The following ZDHHC15 variants were observed in gnomAD, a reference collection of about 807,000 sequenced individuals.
The protein encoded by ZDHHC15 is zDHHC palmitoyltransferase 15.
In ZDHHC15, 19 loss-of-function variants were observed where a neutral mutation model predicts 31.7. That is an observed-to-expected ratio of 0.60 (90% confidence interval 0.42 to 0.88). ZDHHC15 has a LOEUF of 0.88. ZDHHC15 is among the 40% of genes least tolerant of loss of function. The pLI, the probability that ZDHHC15 is intolerant of heterozygous loss-of-function variation, is 0.00. For missense variants in ZDHHC15, 209 were observed against 251.2 expected, an observed-to-expected ratio of 0.83 and a Z score of 1.14; for synonymous variants, 103 against 90.0, an observed-to-expected ratio of 1.14 and a Z score of -0.82.
At chrX:75,393,914 G>A (rs2147782464) in intron 10 of ZDHHC15, among the ~76,000 whole-genome samples, 1 of 111,660 alleles carries the variant, frequency 9.0e-6, no homozygotes, top group African/African-American at 3.3e-5. Flanking sequence ...ATCCAGCATG[G>A]GAGAAAGATG....
At chrX:75,419,032 G>C (rs1048286714) in intron 9 of ZDHHC15, among the ~76,000 whole-genome samples, 1 of 111,813 alleles carries the variant, frequency 8.9e-6, no homozygotes, top group African/African-American at 3.2e-5. Flanking sequence ...CCTATAGAAT[G>C]GGAGAAAATT....
At chrX:75,384,294 G>C (rs1329831932) in intron 10 of ZDHHC15, 1 of 587,973 alleles carries the variant, frequency 1.7e-6, no homozygotes, top group African/African-American at 2.2e-5. Context: ...TATATAGAAA[G>C]CTGGTAAATG....
In ZDHHC15 at chrX:75,442,977, C is replaced by T. The variant is rs1345462668; in HGVS notation, c.379+7825G>A. Among the ~76,000 whole-genome samples, 4 of 86,503 alleles carry T rather than the reference C, an allele frequency of 4.6e-5. No individual in the cohort carries two copies. The Middle Eastern group carries it at 0.017, about 377-fold the overall frequency. 75.1% of individuals were successfully genotyped at this position (86,503 alleles called of 115,157 possible). A position where few individuals can be genotyped will look rare whatever the true frequency, so the allele number is the denominator to read the frequency against. ...CTCCAGCCTGGGCGACAGAGCGAGA[C>T]TCCGTCTCAAAAAAAAAAAAAAAAA... On this transcript the variant is annotated intron_variant, in intron 4 of 11. Transcript: ENST00000373367.
intron 2 of ZDHHC15, among the ~76,000 whole-genome samples, chrX:75,487,731 T>A (rs1481430736): frequency 9.0e-6 from 1 of 111,533 alleles, no homozygotes; most frequent in Non-Finnish European, 1.9e-5. Flanking sequence ...ATTAAGCTAC[T>A]CAAGGAGGCA....
At chrX:75,480,574 A>G (rs752508830) in intron 2 of ZDHHC15, among the ~76,000 whole-genome samples, 1 of 111,252 alleles carries the variant, frequency 9.0e-6, no homozygotes, top group East Asian at 2.8e-4. Context: ...GAAGCAACCA[A>G]CATCACAAAG....
chrX:75,429,260 T>A (rs1413083284), intron 6 of ZDHHC15, 62 bp from the exon 7 acceptor site: 2 of 1,121,024 alleles, frequency 1.8e-6, no homozygotes, highest in East Asian at 3.1e-5. Flanking sequence ...CACTGATACA[T>A]AAGTGAACTA....
chrX:75,388,717 A>C (rs867183612), intron 10 of ZDHHC15, among the ~76,000 whole-genome samples: 4 of 111,944 alleles, frequency 3.6e-5, no homozygotes, highest in Non-Finnish European at 7.5e-5. Flanking sequence ...GGCAGTAGAA[A>C]GTCCTTACTT....
At chrX:75,425,084 T>C (rs1168829851) in intron 7 of ZDHHC15, among the ~76,000 whole-genome samples, 1 of 110,845 alleles carries the variant, frequency 9.0e-6, no homozygotes, top group Non-Finnish European at 1.9e-5. Context: ...CCATAATTGG[T>C]ATGCAACCGC....
intron 3 of ZDHHC15, among the ~76,000 whole-genome samples, chrX:75,473,766 CTT>C (rs1183344516): frequency 8.9e-6 from 1 of 111,893 alleles, no homozygotes; most frequent in Non-Finnish European, 1.9e-5. Context: ...TTTCCTCCTT[CTT>C]TTCTTAAAAA....
chrX:75,405,839 T>C (rs1378555968), intron 10 of ZDHHC15, among the ~76,000 whole-genome samples: 5 of 112,096 alleles, frequency 4.5e-5, no homozygotes, highest in Admixed American at 3.8e-4. Flanking sequence ...TATGGAACAT[T>C]TCACACAATT....
At chrX:75,514,489 G>A (rs2085325405) in intron 1 of ZDHHC15, among the ~76,000 whole-genome samples, 2 of 111,828 alleles carry the variant, frequency 1.8e-5, no homozygotes, top group East Asian at 2.8e-4. Context: ...CAGAAGACAG[G>A]TGACTTCTGC....
At chrX:75,519,144 A>G (rs2085410688) in intron 1 of ZDHHC15, among the ~76,000 whole-genome samples, 1 of 110,068 alleles carries the variant, frequency 9.1e-6, no homozygotes, top group African/African-American at 3.3e-5. Flanking sequence ...GCTGCACAAC[A>G]TTGTGAGTGC....
intron 3 of ZDHHC15, among the ~76,000 whole-genome samples, chrX:75,465,871 T>C (rs1216046853): frequency 9.0e-6 from 1 of 111,511 alleles, no homozygotes; most frequent in East Asian, 2.8e-4. Context: ...GGCAATACTA[T>C]TCAGGACATA....
intron 11 of ZDHHC15, among the ~76,000 whole-genome samples, chrX:75,373,479 T>C (rs1237220617): frequency 1.8e-5 from 2 of 110,945 alleles, no homozygotes; most frequent in East Asian, 5.6e-4. Context: ...CAAGTAGCTA[T>C]TTGTTTAAGC....
intron 3 of ZDHHC15, among the ~76,000 whole-genome samples, chrX:75,464,850 T>C (rs907450995): frequency 1.8e-5 from 2 of 111,787 alleles, no homozygotes; most frequent in Non-Finnish European, 3.8e-5. Flanking sequence ...GGTAATATCA[T>C]ACTAAGTGGG....
intron 4 of ZDHHC15, among the ~76,000 whole-genome samples, chrX:75,442,878 C>T (rs1294090455): frequency 7.7e-5 from 8 of 103,350 alleles, no homozygotes; most frequent in East Asian, 3.2e-4. Context: ...CCCAGCTACT[C>T]GGGAGGCTGA....
chrX:75,442,255 C>G (rs1006295645), intron 4 of ZDHHC15, among the ~76,000 whole-genome samples: 10 of 111,641 alleles, frequency 9.0e-5, no homozygotes, highest in African/African-American at 3.3e-4. Flanking sequence ...GACAGGGATG[C>G]CCTCTCTCAC....
chrX:75,442,088 G>A (rs180962075), intron 4 of ZDHHC15, among the ~76,000 whole-genome samples: 1 of 112,247 alleles, frequency 8.9e-6, no homozygotes, highest in East Asian at 2.8e-4. Context: ...TGAGTCATAC[G>A]GTGCCCAGAT....
In ZDHHC15 at chrX:75,426,443, C is replaced by CT. The variant is rs1309778487; in HGVS notation, c.604-1660dup. 8.1e-3 allele frequency among the ~76,000 whole-genome samples: 822 copies of CT among 101,424 alleles called. 6 individuals carry two copies. Among genetic ancestry groups the CT allele is most frequent in the Middle Eastern group, 0.031 (6 of 195 alleles). 88.1% of individuals were successfully genotyped at this position (101,424 alleles called of 115,157 possible). A position where few individuals can be genotyped will look rare whatever the true frequency, so the allele number is the denominator to read the frequency against. Reference sequence around the variant, plus strand: ...GTCCCTTGATAGAGTTCTTCTTAAACTTTTTTTTTTTTTTAGAAGAGGGTG... The same window carrying CT: ...GTCCCTTGATAGAGTTCTTCTTAAACTTTTTTTTTTTTTTTAGAAGAGGGTG... On this transcript the variant is annotated intron_variant, in intron 7 of 11. Coordinates refer to ENST00000373367, the MANE Select transcript of ZDHHC15 (RefSeq NM_144969.3).
Sources: gnomAD v4.1 joint callset for allele counts (sites outside exome capture counted in the v4.1 genomes callset) on GRCh38, gnomAD v4.1.1 for gene constraint, MANE v1.5 for transcripts, NCBI Gene and HGNC (gene_info 2026-07-23, HGNC 2026-07-21) for gene names.